LDLRAD3: variants seen among roughly 807,000 people sequenced by gnomAD.
LDLRAD3 encodes low-density lipoprotein receptor class A domain-containing protein 3.
In LDLRAD3, 20 loss-of-function variants were observed where a neutral mutation model predicts 29.4. The ratio of observed to expected loss-of-function variants is 0.68; its 90% CI spans 0.48 to 0.99. The LOEUF is 0.99. Among genes scored for constraint, LDLRAD3 ranks in the 50% least tolerant of loss-of-function variants. LDLRAD3 has a pLI of 0.00. For missense variants in LDLRAD3, 420 were observed against 454.3 expected (o/e 0.92, Z 0.69); for synonymous variants, 157 against 192.7 (o/e 0.81, Z 1.53).
At chr11:36,162,325 A>C (rs934449213) in intron 4 of LDLRAD3, among the ~76,000 whole-genome samples, 10 of 152,324 alleles carry the variant, frequency 6.6e-5, no homozygotes, top group Middle Eastern at 3.4e-3. Context: ...TCAAGGGAGA[A>C]ATGACAGCAT....
Position 35,967,135 on chromosome 11 carries a change from T to C in LDLRAD3, c.46+22991T>C, listed in dbSNP as rs116381418. The C allele has an allele frequency of 4.2e-3, 813 of 191,972 alleles. 6 individuals carry two copies. The highest frequency in any genetic ancestry group is 0.018 in the African/African-American group (777 of 42,694). The allele number at this position is 191,972 out of a possible 1,614,324, so 11.9% of individuals were successfully genotyped here. On this transcript the variant is annotated intron_variant, in intron 1 of 5. Coordinates refer to ENST00000315571, the MANE Select transcript of LDLRAD3 (RefSeq NM_174902.4). Reference sequence around the variant, plus strand: ...CCCGAGGGTCACCATGATGGAAGTCTCCCTGCAGGGACTGGGCCTGCTGGG... The same window carrying C: ...CCCGAGGGTCACCATGATGGAAGTCCCCCTGCAGGGACTGGGCCTGCTGGG...
At chr11:36,111,478 T>C (rs899443128) in intron 4 of LDLRAD3, among the ~76,000 whole-genome samples, 2 of 152,176 alleles carry the variant, frequency 1.3e-5, no homozygotes, top group Non-Finnish European at 2.9e-5. Flanking sequence ...GGAAATGTGC[T>C]CTGTGTTGCA....
intron 4 of LDLRAD3, among the ~76,000 whole-genome samples, chr11:36,131,595 T>A (rs1853926648): frequency 6.6e-6 from 1 of 152,188 alleles, no homozygotes; most frequent in African/African-American, 2.4e-5. Flanking sequence ...TTTAAAAAAA[T>A]TATGGTGAAA....
At chr11:36,065,433 A>G (rs1590236961) in intron 2 of LDLRAD3, among the ~76,000 whole-genome samples, 1 of 152,264 alleles carries the variant, frequency 6.6e-6, no homozygotes, top group East Asian at 1.9e-4. Flanking sequence ...GAAGCTGAGG[A>G]TCAGTATTTT....
At chr11:36,119,872 G>A (rs1043981522) in intron 4 of LDLRAD3, among the ~76,000 whole-genome samples, 26 of 152,104 alleles carry the variant, frequency 1.7e-4, no homozygotes, top group Admixed American at 1.7e-3. Context: ...ATTATTGCTT[G>A]TGCCTTTAAT....
In LDLRAD3 at chr11:36,213,038, C is replaced by CTCTCTCCCCCACCCCTCTCTT. The variant is rs1349353820; in HGVS notation, c.455-14036_455-14016dup. On this transcript the variant is annotated intron_variant, in intron 4 of 5. Coordinates refer to ENST00000315571, the MANE Select transcript of LDLRAD3 (RefSeq NM_174902.4). The surrounding 1 kb of genome is among the most constrained non-coding windows in gnomAD (Gnocchi z 4.1). Reference sequence around the variant, plus strand: ...TTAGAACTTTCTTCTCTCTCTGTCTCTCTCTCCCCCACCCCTCTCTTTCTC... The same window carrying CTCTCTCCCCCACCCCTCTCTT: ...TTAGAACTTTCTTCTCTCTCTGTCTCTCTCTCCCCCACCCCTCTCTTTCTCTCCCCCACCCCTCTCTTTCTC... Among the ~76,000 whole-genome samples, 37 of 152,028 alleles carry CTCTCTCCCCCACCCCTCTCTT rather than the reference C, an allele frequency of 2.4e-4. No individual in the cohort carries two copies. Among genetic ancestry groups the CTCTCTCCCCCACCCCTCTCTT allele is most frequent in the African/African-American group, 8.7e-4 (36 of 41,402 alleles).
intron 2 of LDLRAD3, among the ~76,000 whole-genome samples, chr11:36,068,907 T>G (rs1232197660): frequency 6.6e-6 from 1 of 152,184 alleles, no homozygotes; most frequent in East Asian, 1.9e-4. Context: ...GAGAAGAGTT[T>G]TGGAAAGAAT....
chr11:36,225,328 T>C (rs1002408549), intron 4 of LDLRAD3, among the ~76,000 whole-genome samples: 5 of 152,198 alleles, frequency 3.3e-5, no homozygotes, highest in Non-Finnish European at 7.3e-5. Context: ...GTGGCAGCTC[T>C]CTGTAAAGAT....
At chr11:36,148,241 G>C (rs1854226379) in intron 4 of LDLRAD3, among the ~76,000 whole-genome samples, 1 of 152,128 alleles carries the variant, frequency 6.6e-6, no homozygotes, top group South Asian at 2.1e-4. Flanking sequence ...TTTTAGAAAA[G>C]GAGCCCAGTG....
chr11:36,012,201 A>G (rs998698419), intron 1 of LDLRAD3, among the ~76,000 whole-genome samples: 4 of 152,114 alleles, frequency 2.6e-5, no homozygotes, highest in African/African-American at 7.2e-5. Context: ...ACTGAAACCT[A>G]TTTCTGTCCA....
At chr11:36,109,509 G>A (rs1307004400) in intron 4 of LDLRAD3, among the ~76,000 whole-genome samples, 2 of 152,134 alleles carry the variant, frequency 1.3e-5, no homozygotes, top group South Asian at 2.1e-4. Context: ...AGAATCTGCC[G>A]TATTATTTTC....
intron 1 of LDLRAD3, among the ~76,000 whole-genome samples, chr11:35,995,061 A>T (rs1158357793): frequency 6.6e-6 from 1 of 151,926 alleles, no homozygotes; most frequent in African/African-American, 2.4e-5. Context: ...TGATATTTTG[A>T]CCTCCCACGA....
chr11:36,013,915 A>G (rs145665261), intron 1 of LDLRAD3, among the ~76,000 whole-genome samples: 74 of 152,296 alleles, frequency 4.9e-4, no homozygotes, highest in African/African-American at 1.8e-3. Flanking sequence ...GATCAGGAAG[A>G]CATTGGTGGA....
At chr11:36,211,202 T>C (rs1855279720) in intron 4 of LDLRAD3, among the ~76,000 whole-genome samples, 1 of 152,188 alleles carries the variant, frequency 6.6e-6, no homozygotes, top group Admixed American at 6.5e-5. Context: ...TGATACATAA[T>C]GAATGGGAAT....
At chr11:35,997,139 CT>C (rs1427680227) in intron 1 of LDLRAD3, 104 of 269,078 alleles carry the variant, frequency 3.9e-4, no homozygotes, top group South Asian at 7.4e-4. Context: ...ACTTTTGTTT[CT>C]TTTTTTTAGT....
intron 2 of LDLRAD3, among the ~76,000 whole-genome samples, chr11:36,060,129 T>G (rs1852675702): frequency 6.6e-6 from 1 of 152,058 alleles, no homozygotes; most frequent in Non-Finnish European, 1.5e-5. Flanking sequence ...CCAAGGCAGG[T>G]GGATCACGAG....
chr11:36,036,319 C>T (rs1408455356), intron 2 of LDLRAD3, 70 bp downstream of exon 2: 19 of 1,570,890 alleles, frequency 1.2e-5, no homozygotes, highest in African/African-American at 2.7e-5. Context: ...AGGTCCTGAG[C>T]AGGCTTAGAC....
intron 1 of LDLRAD3, among the ~76,000 whole-genome samples, chr11:35,946,689 C>T (rs1444493122): frequency 1.3e-5 from 2 of 152,164 alleles, no homozygotes; most frequent in Non-Finnish European, 2.9e-5. Context: ...CCAGGACTGA[C>T]CTTTGCCTAG....
chr11:36,124,096 A>G (rs1045126732), intron 4 of LDLRAD3, among the ~76,000 whole-genome samples: 5 of 152,262 alleles, frequency 3.3e-5, no homozygotes, highest in African/African-American at 1.2e-4. Flanking sequence ...GTCCAAAGCA[A>G]CTGATGGCAA....
Sources: gnomAD v4.1 joint callset for allele counts (sites outside exome capture counted in the v4.1 genomes callset) on GRCh38, gnomAD v4.1.1 for gene constraint, Gnocchi (gnomAD v3.1) non-coding constraint, MANE v1.5 for transcripts, NCBI Gene and HGNC (gene_info 2026-07-23, HGNC 2026-07-21) for gene names.